KCNIP1: variants seen among roughly 807,000 people sequenced by gnomAD.
The protein encoded by KCNIP1 is potassium voltage-gated channel interacting protein 1, also known as A-type potassium channel modulatory protein KCNIP1.
A neutral mutation model predicts 33.0 loss-of-function variants in KCNIP1; 18 were observed. The ratio of observed to expected loss-of-function variants is 0.55; its 90% CI spans 0.38 to 0.81. The LOEUF (loss-of-function observed/expected upper bound fraction) is 0.81. Ranked by LOEUF, KCNIP1 falls within the 30% of genes least tolerant of loss-of-function variation. The pLI, the probability that KCNIP1 is intolerant of heterozygous loss-of-function variation, is 0.00. For missense variants in KCNIP1, 238 were observed against 271.6 expected, an observed-to-expected ratio of 0.88 and a Z score of 0.87; for synonymous variants, 93 against 98.3, an observed-to-expected ratio of 0.95 and a Z score of 0.32.
At chr5:170,556,558 G>A (rs1283659518) in intron 1 of KCNIP1, among the ~76,000 whole-genome samples, 1 of 152,200 alleles carries the variant, frequency 6.6e-6, no homozygotes, top group Non-Finnish European at 1.5e-5. Context: ...GATGTCAACA[G>A]GGAAGAGGGG....
chr5:170,525,871 C>T (rs1755546265), intron 1 of KCNIP1, among the ~76,000 whole-genome samples: 1 of 152,224 alleles, frequency 6.6e-6, no homozygotes, highest in Non-Finnish European at 1.5e-5. Context: ...CTGCGCCTCC[C>T]ACCCTGCATC....
chr5:170,646,507 C>T (rs1430673698), intron 1 of KCNIP1, among the ~76,000 whole-genome samples: 2 of 152,092 alleles, frequency 1.3e-5, no homozygotes, highest in African/African-American at 4.8e-5. Flanking sequence ...ATCATATAAA[C>T]AGATGTGGAA....
At chr5:170,469,631 C>T (rs915063462) in intron 1 of KCNIP1, among the ~76,000 whole-genome samples, 11 of 152,168 alleles carry the variant, frequency 7.2e-5, no homozygotes, top group African/African-American at 2.7e-4. Context: ...CCAATGCCCT[C>T]CACCTTACCA....
At chr5:170,474,913 G>A (rs1756819797) in intron 1 of KCNIP1, among the ~76,000 whole-genome samples, 1 of 152,226 alleles carries the variant, frequency 6.6e-6, no homozygotes, top group Non-Finnish European at 1.5e-5. Flanking sequence ...GACCCCACTG[G>A]GTTGCCGCCG....
intron 1 of KCNIP1, among the ~76,000 whole-genome samples, chr5:170,627,872 T>C (rs1759894073): frequency 6.6e-6 from 1 of 152,114 alleles, no homozygotes. Flanking sequence ...ATCCCAAAGC[T>C]CCAGGGACCC....
At chr5:170,624,641 C>G (rs1441754443) in intron 1 of KCNIP1, among the ~76,000 whole-genome samples, 1 of 151,076 alleles carries the variant, frequency 6.6e-6, no homozygotes, top group Admixed American at 6.6e-5. Flanking sequence ...TTCGCCTGCC[C>G]GTGAGCTCAG....
At chr5:170,426,957 C>T (rs1227000883) in intron 1 of KCNIP1, among the ~76,000 whole-genome samples, 1 of 152,180 alleles carries the variant, frequency 6.6e-6, no homozygotes. Flanking sequence ...AGGGAAGAGG[C>T]GCGGCCGCAG....
At chr5:170,518,487 C>T (rs1353215009) in intron 1 of KCNIP1, among the ~76,000 whole-genome samples, 2 of 152,158 alleles carry the variant, frequency 1.3e-5, no homozygotes, top group South Asian at 2.1e-4. Context: ...GCTGGTACAT[C>T]GTCAAGTCTT....
intron 1 of KCNIP1, among the ~76,000 whole-genome samples, chr5:170,604,147 C>T (rs1758804901): frequency 6.6e-6 from 1 of 152,082 alleles, no homozygotes; most frequent in Non-Finnish European, 1.5e-5. Context: ...TCTGACTTGC[C>T]CAACAGGTGG....
At chr5:170,594,399 G>C (rs1240568981) in intron 1 of KCNIP1, among the ~76,000 whole-genome samples, 1 of 152,166 alleles carries the variant, frequency 6.6e-6, no homozygotes, top group African/African-American at 2.4e-5. Flanking sequence ...ACCAGAAGAG[G>C]GGTATGGCCA....
intron 1 of KCNIP1, among the ~76,000 whole-genome samples, chr5:170,548,814 GTGTATAATTAATTCT>G (rs1756506055): frequency 6.6e-6 from 1 of 152,226 alleles, no homozygotes; most frequent in East Asian, 1.9e-4. Context: ...AGACTCATCA[GTGTATAATTAATTCT>G]TGTATAACTA....
intron 1 of KCNIP1, among the ~76,000 whole-genome samples, chr5:170,534,428 AGAGT>A (rs1262902109): frequency 1.3e-5 from 2 of 152,090 alleles, no homozygotes; most frequent in East Asian, 1.9e-4. Flanking sequence ...CGTGGGCAAC[AGAGT>A]GAGACCCTTA....
At chr5:170,461,658 G>A (rs1756503090) in intron 1 of KCNIP1, among the ~76,000 whole-genome samples, 1 of 152,008 alleles carries the variant, frequency 6.6e-6, no homozygotes, top group East Asian at 1.9e-4. Flanking sequence ...GCTGAGGCAG[G>A]AGAATGGCAT....
At chr5:170,448,955 C>T (rs182165541) in intron 1 of KCNIP1, among the ~76,000 whole-genome samples, 120 of 152,248 alleles carry the variant, frequency 7.9e-4, no homozygotes, top group African/African-American at 2.5e-3. Flanking sequence ...TCTAGGGCTA[C>T]GCAGCTGGGA....
intron 1 of KCNIP1, among the ~76,000 whole-genome samples, chr5:170,551,960 G>A (rs1443039857): frequency 6.8e-6 from 1 of 147,198 alleles, no homozygotes; most frequent in Non-Finnish European, 1.5e-5. Context: ...GTCTGAGTGT[G>A]TGTATGTGTT....
At chr5:170,724,500 C>T (rs1429932513) in intron 5 of KCNIP1, among the ~76,000 whole-genome samples, 1 of 152,062 alleles carries the variant, frequency 6.6e-6, no homozygotes, top group Non-Finnish European at 1.5e-5. Flanking sequence ...ATATAATTCA[C>T]TATATTTAAA....
exon 1 of KCNIP1, chr5:170,353,563 G>C: frequency 2.2e-6 from 1 of 451,422 alleles, no homozygotes; most frequent in Non-Finnish European, 4.0e-6. Context: ...TCTCCTCCTC[G>C]GTTCCCTTGG....
intron 1 of KCNIP1, among the ~76,000 whole-genome samples, chr5:170,629,096 A>G (rs1195541147): frequency 6.6e-6 from 1 of 152,226 alleles, no homozygotes; most frequent in Non-Finnish European, 1.5e-5. Flanking sequence ...TTTGCTGTTC[A>G]GAAAACATCT....
At chr5:170,622,653 G>A (rs1189610754) in intron 1 of KCNIP1, among the ~76,000 whole-genome samples, 1 of 150,104 alleles carries the variant, frequency 6.7e-6, no homozygotes, top group Non-Finnish European at 1.5e-5. Context: ...TGGATACAGA[G>A]AGGCAGTGAA....
Sources: gnomAD v4.1 joint callset for allele counts (sites outside exome capture counted in the v4.1 genomes callset) on GRCh38, gnomAD v4.1.1 for gene constraint, MANE v1.5 for transcripts, NCBI Gene and HGNC (gene_info 2026-07-23, HGNC 2026-07-21) for gene names.